Variants in SLC28A3 observed in about 807,000 individuals in gnomAD.
SLC28A3 encodes solute carrier family 28 member 3.
A neutral mutation model predicts 84.2 loss-of-function variants in SLC28A3; 68 were observed. That is an observed-to-expected ratio of 0.81 (90% confidence interval 0.66 to 0.99). The LOEUF is 0.99. Among genes scored for constraint, SLC28A3 ranks in the 50% least tolerant of loss-of-function variants. SLC28A3 has a pLI of 0.00. For synonymous variants in SLC28A3, 267 were observed against 303.6 expected (o/e 0.88, Z 1.25); for missense variants, 712 against 841.5 (o/e 0.85, Z 1.90).
chr9:84,303,955 T>C (rs1364011905), intron 4 of SLC28A3, among the ~76,000 whole-genome samples: 1 of 152,224 alleles, frequency 6.6e-6, no homozygotes. Context: ...TGTCTTATTC[T>C]TCCCTCCCTC....
rs181334276 is a variant in SLC28A3 at position 84,336,474 on chromosome 9, A to C, written c.60+4100T>G. Among the ~76,000 whole-genome samples, 14 of 152,338 alleles carry C rather than the reference A, an allele frequency of 9.2e-5. No individual in the cohort carries two copies. The East Asian group carries it at 2.7e-3, about 29-fold the overall frequency. ...AGCCAAGATCATGCCACTGCACTCC[A>C]GTCTGGGCGACAGGGTGAGACTTCA... On this transcript the variant is annotated intron_variant, in intron 1 of 17. Coordinates refer to ENST00000376238, the MANE Select transcript of SLC28A3 (RefSeq NM_001199633.2).
the SLC28A3 span, among the ~76,000 whole-genome samples, chr9:84,352,846 T>C: frequency 7.7e-6 from 1 of 130,122 alleles, no homozygotes; most frequent in African/African-American, 3.0e-5. Flanking sequence ...TGAGCCAAGA[T>C]CGCACGACTG....
intron 1 of SLC28A3, among the ~76,000 whole-genome samples, chr9:84,339,628 G>A (rs1827091436): frequency 6.6e-6 from 1 of 152,168 alleles, no homozygotes; most frequent in Non-Finnish European, 1.5e-5. Context: ...TTAATTTGCA[G>A]GCCTCAGGCA....
At chr9:84,333,154 G>A (rs1375819519) in intron 1 of SLC28A3, among the ~76,000 whole-genome samples, 2 of 152,178 alleles carry the variant, frequency 1.3e-5, no homozygotes, top group African/African-American at 4.8e-5. Context: ...GGAAAAATGT[G>A]GAGAATCTGC....
rs189154450 is a variant in SLC28A3 at position 84,286,052 on chromosome 9, A to T, written c.1340T>A (p.Val447Glu). Residue 447 changes from valine to glutamate, a missense_variant, in exon 13 of 18, where the codon GTG (valine) becomes GAG (glutamate). Val to Glu is a moderately radical substitution (Grantham distance 121). Transcript: ENST00000376238. ...TQGASSSISL[V>E]ANIAVNLIAF... is the part of the protein sequence containing the mutation. ...AATCAGATTCACAGCGATGTTGGCC[A>T]CCAGGGAGATGGAGGAGGATGCTCC... The T allele has an allele frequency of 2.5e-6, 4 of 1,614,154 alleles. No homozygotes were observed. The highest frequency in any genetic ancestry group is 1.3e-5 in the African/African-American group (1 of 75,054).
At chr9:84,314,039 C>T (rs1826084220) in intron 1 of SLC28A3, among the ~76,000 whole-genome samples, 1 of 152,100 alleles carries the variant, frequency 6.6e-6, no homozygotes. Flanking sequence ...GGCAGGTTTC[C>T]ACTCTCCTTT....
chr9:84,360,923 A>C, the SLC28A3 span, among the ~76,000 whole-genome samples: 10 of 152,072 alleles, frequency 6.6e-5, no homozygotes, highest in African/African-American at 2.4e-4. Context: ...AAATAATAAT[A>C]ATAATAAACC....
the SLC28A3 span, among the ~76,000 whole-genome samples, chr9:84,350,949 C>T: frequency 6.6e-6 from 1 of 152,094 alleles, no homozygotes; most frequent in African/African-American, 2.4e-5. Flanking sequence ...TCAAGTGATC[C>T]TCCCACCTCA....
chr9:84,335,590 C>T (rs917164723), intron 1 of SLC28A3, among the ~76,000 whole-genome samples: 2 of 152,046 alleles, frequency 1.3e-5, no homozygotes, highest in African/African-American at 4.8e-5. Flanking sequence ...GAATCACTTC[C>T]AAGTTGACAT....
At chr9:84,323,581 T>C (rs1826450279) in intron 1 of SLC28A3, among the ~76,000 whole-genome samples, 1 of 152,050 alleles carries the variant, frequency 6.6e-6, no homozygotes, top group South Asian at 2.1e-4. Flanking sequence ...TGTGCCACTG[T>C]GCCCGGCTAA....
At chr9:84,341,608 A>G (rs1430371870), upstream of SLC28A3, among the ~76,000 whole-genome samples, 2 of 152,344 alleles carry the variant, frequency 1.3e-5, no homozygotes, top group East Asian at 3.9e-4. Flanking sequence ...CTTTTATTAC[A>G]TCCCTGCTTC....
chr9:84,353,368 G>A, the SLC28A3 span, among the ~76,000 whole-genome samples: 1 of 152,096 alleles, frequency 6.6e-6, no homozygotes, highest in African/African-American at 2.4e-5. Flanking sequence ...GTATAACTTG[G>A]GAACAGGGAA....
At chr9:84,347,227 A>AAAAAAAAAAAAAAAG in the SLC28A3 span, among the ~76,000 whole-genome samples, 1 of 131,824 alleles carries the variant, frequency 7.6e-6, no homozygotes, top group African/African-American at 3.4e-5. Context: ...AAAAAAAAAA[A>AAAAAAAAAAAAAAAG]AAGGGAAGAA....
chr9:84,326,362 G>A (rs1450192188), intron 1 of SLC28A3, among the ~76,000 whole-genome samples: 1 of 151,808 alleles, frequency 6.6e-6, no homozygotes, highest in Non-Finnish European at 1.5e-5. Context: ...GAGCCTATTG[G>A]TACCAAGGTT....
chr9:84,364,414 G>A, the SLC28A3 span, among the ~76,000 whole-genome samples: 2 of 152,096 alleles, frequency 1.3e-5, no homozygotes, highest in South Asian at 4.1e-4. Flanking sequence ...GTAAAGACAA[G>A]GTCTTGCTAT....
At chr9:84,292,402 A>G (rs1305697826) in intron 10 of SLC28A3, among the ~76,000 whole-genome samples, 5 of 152,022 alleles carry the variant, frequency 3.3e-5, no homozygotes, top group Non-Finnish European at 5.9e-5. Context: ...CAAGAACCCA[A>G]TTCTACATAC....
chr9:84,286,468 T>TTTTTTTTG (rs1824993745), intron 12 of SLC28A3, among the ~76,000 whole-genome samples: 1 of 148,906 alleles, frequency 6.7e-6, no homozygotes, highest in African/African-American at 2.5e-5. Context: ...TTTTTTTTTT[T>TTTTTTTTG]AAGAGACGGG....
At chr9:84,311,176 C>A (rs898042569) in intron 2 of SLC28A3, among the ~76,000 whole-genome samples, 29 of 152,160 alleles carry the variant, frequency 1.9e-4, no homozygotes, top group African/African-American at 6.8e-4. Context: ...CAATGTCACC[C>A]AAGGCCCATT....
intron 13 of SLC28A3, 138 bp downstream of exon 13, chr9:84,285,805 A>C: frequency 1.9e-6 from 2 of 1,038,016 alleles, no homozygotes; most frequent in Non-Finnish European, 2.7e-6. Flanking sequence ...GTGGGTGGGA[A>C]GTTGGGGGAT....
Sources: gnomAD v4.1 joint callset for allele counts (sites outside exome capture counted in the v4.1 genomes callset) on GRCh38, gnomAD v4.1.1 for gene constraint, MANE v1.5 for transcripts, NCBI Gene and HGNC (gene_info 2026-07-23, HGNC 2026-07-21) for gene names.